Variants in TFAP2D observed in about 807,000 individuals in gnomAD.
TFAP2D encodes the protein transcription factor AP-2 delta, also known as transcription factor AP-2-delta.
A neutral mutation model predicts 43.6 loss-of-function variants in TFAP2D; 9 were observed. The ratio of observed to expected loss-of-function variants is 0.21; its 90% confidence interval spans 0.12 to 0.36. TFAP2D has a LOEUF of 0.36. Among genes scored for constraint, TFAP2D ranks in the 10% least tolerant of loss-of-function variants. TFAP2D has a pLI of 1.00. For synonymous variants in TFAP2D, 256 were observed against 224.9 expected (o/e 1.14, Z -1.24); for missense variants, 513 against 561.4 (o/e 0.91, Z 0.87).
intron 5 of TFAP2D, among the ~76,000 whole-genome samples, chr6:50,736,791 C>A (rs528695781): frequency 6.6e-6 from 1 of 152,154 alleles, no homozygotes; most frequent in South Asian, 2.1e-4. Context: ...CAAATATAGC[C>A]AAACCAATTT....
intron 5 of TFAP2D, among the ~76,000 whole-genome samples, chr6:50,737,687 C>T (rs1483324895): frequency 1.3e-5 from 2 of 152,064 alleles, no homozygotes; most frequent in African/African-American, 4.8e-5. Context: ...ATTTTGCAAT[C>T]AATTTTTTGA....
intron 5 of TFAP2D, among the ~76,000 whole-genome samples, chr6:50,740,350 T>C (rs1203843356): frequency 6.6e-6 from 1 of 152,170 alleles, no homozygotes; most frequent in African/African-American, 2.4e-5. Context: ...TTAGTAAAAA[T>C]TAGTGTTAAA....
chr6:50,771,867 C>T (rs556545277), intron 7 of TFAP2D, among the ~76,000 whole-genome samples: 1 of 152,268 alleles, frequency 6.6e-6, no homozygotes, highest in African/African-American at 2.4e-5. Flanking sequence ...AGAAATACCA[C>T]TTGACCCAGC....
In TFAP2D at chr6:50,766,742, C is replaced by T. The variant is rs1769449644; in HGVS notation, c.1140-5903C>T. Among the ~76,000 whole-genome samples, 3 of 140,190 alleles carry T rather than the reference C, an allele frequency of 2.1e-5. No individual in the cohort carries two copies. The South Asian group carries it at 7.2e-4, about 33-fold the overall frequency. 92.0% of individuals were successfully genotyped at this position (140,190 alleles called of 152,430 possible). A position where few individuals can be genotyped will look rare whatever the true frequency, so the allele number is the denominator to read the frequency against. ...GGACTGCAGTGGCGCAATCTCGGCTCACTGCAAGCTCCGCTTCCCGGGTTC... is the reference window on the plus strand; with the variant it reads ...GGACTGCAGTGGCGCAATCTCGGCTTACTGCAAGCTCCGCTTCCCGGGTTC... On this transcript the variant is annotated intron_variant, in intron 7 of 7. Coordinates refer to ENST00000008391, the MANE Select transcript of TFAP2D (RefSeq NM_172238.4).
chr6:50,758,718 C>A lies in TFAP2D; in HGVS notation c.1139+7394C>A, dbSNP rs577395564. ...TTTTGTTTTTATTTTGTTAAATTTT[C>A]TTGAGATGGAAAAGTGGCTGGGAAG... On this transcript the variant is annotated intron_variant, in intron 7 of 7. Coordinates refer to ENST00000008391, the MANE Select transcript of TFAP2D (RefSeq NM_172238.4). 9.9e-5 allele frequency among the ~76,000 whole-genome samples: 15 copies of A among 152,046 alleles called. No homozygotes were observed. The South Asian group carries it at 2.7e-3, about 27-fold the overall frequency.
At chr6:50,755,773 C>G (rs1769255930) in intron 7 of TFAP2D, among the ~76,000 whole-genome samples, 1 of 152,000 alleles carries the variant, frequency 6.6e-6, no homozygotes, top group African/African-American at 2.4e-5. Context: ...CATAAAGAGA[C>G]TCCATCTCTA....
chr6:50,769,736 C>T (rs1343638830), intron 7 of TFAP2D, among the ~76,000 whole-genome samples: 1 of 152,130 alleles, frequency 6.6e-6, no homozygotes, highest in Non-Finnish European at 1.5e-5. Context: ...AAAATGTACC[C>T]TCAGCCTGGG....
intron 7 of TFAP2D, among the ~76,000 whole-genome samples, chr6:50,754,372 G>C (rs375131710): frequency 6.6e-6 from 1 of 151,742 alleles, no homozygotes; most frequent in African/African-American, 2.4e-5. Flanking sequence ...AAGTGTGTAT[G>C]TGCCTATATA....
At chr6:50,769,724 G>GA (rs2113896693) in intron 7 of TFAP2D, among the ~76,000 whole-genome samples, 1 of 152,268 alleles carries the variant, frequency 6.6e-6, no homozygotes, top group African/African-American at 2.4e-5. Context: ...ATTTCTCAGA[G>GA]AAAAATGTAC....
At chr6:50,751,360 C>G in intron 7 of TFAP2D, 36 bp downstream of exon 7, 3 of 1,394,348 alleles carry the variant, frequency 2.2e-6, no homozygotes, top group Non-Finnish European at 3.1e-6. Context: ...AAATTCTTTA[C>G]TAACCCAGAT....
chr6:50,766,442 T>TCA (rs1769442030), intron 7 of TFAP2D, among the ~76,000 whole-genome samples: 1 of 152,066 alleles, frequency 6.6e-6, no homozygotes, highest in African/African-American at 2.4e-5. Flanking sequence ...ATCCATAGAT[T>TCA]GGTTTTAGTA....
intron 3 of TFAP2D, among the ~76,000 whole-genome samples, chr6:50,720,735 G>A (rs1310000773): frequency 6.6e-6 from 1 of 152,148 alleles, no homozygotes; most frequent in African/African-American, 2.4e-5. Flanking sequence ...TCAGGGGTCT[G>A]TTGGGACGGG....
At chr6:50,738,381 T>A (rs2114045050) in intron 5 of TFAP2D, among the ~76,000 whole-genome samples, 1 of 152,162 alleles carries the variant, frequency 6.6e-6, no homozygotes, top group South Asian at 2.1e-4. Flanking sequence ...ATGCAGAACT[T>A]TTTTACATTA....
In TFAP2D at chr6:50,713,528, C is replaced by A. The variant is rs902956037; in HGVS notation, c.-528C>A. Among the ~76,000 whole-genome samples, 2 of 152,112 alleles carry A rather than the reference C, an allele frequency of 1.3e-5. No individual in the cohort carries two copies. The highest frequency in any genetic ancestry group is 4.8e-5 in the African/African-American group (2 of 41,432). The stretch of plus-strand genomic sequence containing the variant: ...TATCTCTAATATACATATATTGGAG[C>A]TAGAGCTCTAGCTTCACAATAAAAT... On this transcript the variant is annotated 5_prime_UTR_variant, in exon 1 of 8. Coordinates refer to ENST00000008391, the MANE Select transcript of TFAP2D (RefSeq NM_172238.4).
chr6:50,726,938 G>GC (rs1209656969), intron 3 of TFAP2D, among the ~76,000 whole-genome samples: 6 of 152,174 alleles, frequency 3.9e-5, no homozygotes, highest in Non-Finnish European at 8.8e-5. Flanking sequence ...TACATGGTTT[G>GC]CCATTGTATT....
intron 7 of TFAP2D, among the ~76,000 whole-genome samples, chr6:50,763,631 A>T (rs1175046584): frequency 6.6e-6 from 1 of 152,128 alleles, no homozygotes; most frequent in East Asian, 1.9e-4. Context: ...ATCCATTGTG[A>T]ACAAATTGTC....
intron 2 of TFAP2D, among the ~76,000 whole-genome samples, chr6:50,717,625 T>C (rs1768647945): frequency 6.6e-6 from 1 of 152,362 alleles, no homozygotes; most frequent in Admixed American, 6.5e-5. Flanking sequence ...AATATAGTAC[T>C]GTGTGTGATA....
chr6:50,745,609 T>A (rs1769114825), intron 6 of TFAP2D, among the ~76,000 whole-genome samples: 1 of 152,128 alleles, frequency 6.6e-6, no homozygotes, highest in Admixed American at 6.6e-5. Flanking sequence ...CCTTAATAAA[T>A]GAGGGTAAAA....
rs575582078 is a variant in TFAP2D, at chr6:50,729,069, A to T, written c.764+48A>T. ...CACAGAATTTCTGCTAACTGATACC[A>T]TACCCTCAACCCTTAGTCATGATGT... On this transcript the variant is annotated intron_variant, in intron 4 of 7. Transcript: ENST00000008391. The T allele has an allele frequency of 8.3e-4, 1,339 of 1,609,340 alleles. 25 individuals are homozygous for T. The South Asian group carries it at 0.014, about 16-fold the overall frequency.
Sources: gnomAD v4.1 joint callset for allele counts (sites outside exome capture counted in the v4.1 genomes callset) on GRCh38, gnomAD v4.1.1 for gene constraint, MANE v1.5 for transcripts, NCBI Gene and HGNC (gene_info 2026-07-23, HGNC 2026-07-21) for gene names.